The following PEMT variants were observed in gnomAD, a reference collection of about 807,000 sequenced individuals.
PEMT encodes the protein phospholipid methyltransferase.
PEMT carries 23 observed loss-of-function variants against 27.4 expected under a neutral mutation model. The observed-to-expected ratio is 0.84, with a 90% CI of 0.60 to 1.19. The LOEUF (loss-of-function observed/expected upper bound fraction) is 1.19. Ranked by LOEUF, PEMT falls within the 50% of genes most tolerant of loss-of-function variation. The pLI, the probability that PEMT is intolerant of heterozygous loss-of-function variation, is 0.00. For synonymous variants in PEMT, 137 were observed against 139.1 expected, an observed-to-expected ratio of 0.98 and a Z score of 0.11; for missense variants, 307 against 310.1, an observed-to-expected ratio of 0.99 and a Z score of 0.07.
At chr17:17,583,113 C>T (rs1002774382) in intron 1 of PEMT, among the ~76,000 whole-genome samples, 2 of 151,370 alleles carry the variant, frequency 1.3e-5, no homozygotes, top group East Asian at 3.9e-4. Flanking sequence ...CAGTGGCTCA[C>T]GCCTGTAATC....
chr17:17,574,286 C>A (rs1911424170), intron 2 of PEMT, among the ~76,000 whole-genome samples: 1 of 136,370 alleles, frequency 7.3e-6, no homozygotes, highest in Non-Finnish European at 1.6e-5. Flanking sequence ...AACACACAGA[C>A]ACATGCTGTC....
chr17:17,512,083 G>A lies in PEMT; in HGVS notation c.466+426C>T, dbSNP rs1008566251. 4.6e-5 allele frequency among the ~76,000 whole-genome samples: 7 copies of A among 152,124 alleles called. No individual in the cohort carries two copies. Among genetic ancestry groups the A allele is most frequent in the African/African-American group, 1.2e-4 (5 of 41,424 alleles). On this transcript the variant is annotated intron_variant, in intron 4 of 6. Coordinates refer to ENST00000255389, the MANE Select transcript of PEMT (RefSeq NM_148172.3). The surrounding 1 kb of genome is among the most constrained non-coding windows in gnomAD (Gnocchi z 6.3). Reference sequence around the variant, plus strand: ...CAATCCTGCCTGGCCTGAGAGCCACGCGTGCCGGGAGCTGCCAGAGAGGTG... The same window carrying A: ...CAATCCTGCCTGGCCTGAGAGCCACACGTGCCGGGAGCTGCCAGAGAGGTG...
At chr17:17,507,522 G>GAAGCC (rs1905972975) in intron 5 of PEMT, 3 of 355,748 alleles carry the variant, frequency 8.4e-6, no homozygotes, top group Non-Finnish European at 1.6e-5. Context: ...AAAGATCCAA[G>GAAGCC]CCCAGGCTCC....
chr17:17,548,437 C>G (rs1284332938), intron 2 of PEMT, among the ~76,000 whole-genome samples: 1 of 152,216 alleles, frequency 6.6e-6, no homozygotes, highest in East Asian at 1.9e-4. Flanking sequence ...CTAGGCTGCA[C>G]TGGAGATCAT....
chr17:17,591,282 A>T, intron 1 of PEMT: 1 of 535,266 alleles, frequency 1.9e-6, no homozygotes, highest in Non-Finnish European at 3.3e-6. Context: ...GCACACAATC[A>T]GACGAGCTCA....
rs1002520136 is a variant in PEMT, at chr17:17,525,235, A to G, written c.205-2840T>C. 2.6e-5 allele frequency among the ~76,000 whole-genome samples: 4 copies of G among 152,216 alleles called. No homozygotes were observed. The East Asian group carries it at 5.8e-4, about 22-fold the overall frequency. ...TGTCCCTTAGCCTCGGAAAGAGCTG[A>G]TGCTAAATGAGCTTTCAGAACAATC... On this transcript the variant is annotated intron_variant, in intron 2 of 6. Coordinates refer to ENST00000255389, the MANE Select transcript of PEMT (RefSeq NM_148172.3).
chr17:17,545,872 A>G (rs1909226833), intron 2 of PEMT, among the ~76,000 whole-genome samples: 1 of 152,142 alleles, frequency 6.6e-6, no homozygotes, highest in Non-Finnish European at 1.5e-5. Flanking sequence ...ACTTTTCTGT[A>G]TGCTTAAAAT....
chr17:17,560,750 C>T (rs1051422202), intron 2 of PEMT, among the ~76,000 whole-genome samples: 1 of 152,100 alleles, frequency 6.6e-6, no homozygotes, highest in African/African-American at 2.4e-5. Flanking sequence ...CCCTTCGCGT[C>T]CACACCAGCT....
chr17:17,586,248 G>GAA (rs1912268963), intron 1 of PEMT, among the ~76,000 whole-genome samples: 1 of 95,964 alleles, frequency 1.0e-5, no homozygotes, highest in African/African-American at 4.7e-5. Flanking sequence ...AAGAAAGAAA[G>GAA]AAAGAAAGAA....
rs1207756589 is a variant in PEMT, at chr17:17,591,566, A to C, written c.61T>G (p.Cys21Gly). 6.2e-7 allele frequency: 1 copy of C among 1,613,802 alleles called. No individual in the cohort carries two copies. Among genetic ancestry groups the C allele is most frequent in the African/African-American group, 1.3e-5 (1 of 75,046 alleles). The change falls in exon 1 of 7, where the codon TGC becomes GGC. Residue 21 changes from cysteine (C) to glycine (G), a missense_variant. Cys to Gly is a radical substitution (Grantham distance 159). Coordinates refer to ENST00000255389, the MANE Select transcript of PEMT (RefSeq NM_148172.3). The part of the protein sequence containing the change: ...VTNSSVAGPD[C>G]CGGLGNIDFR... ...TCAATATTGCCGAGGCCTCCGCAGC[A>C]GTCAGGCCCTGCCACCGAGCTGTTC...
chr17:17,581,327 A>C (rs1911965157), intron 1 of PEMT, among the ~76,000 whole-genome samples: 1 of 152,148 alleles, frequency 6.6e-6, no homozygotes, highest in Admixed American at 6.5e-5. Context: ...ATCTCTGGCC[A>C]TACTCTCAGC....
chr17:17,530,163 T>G (rs1907986087), intron 2 of PEMT, among the ~76,000 whole-genome samples: 1 of 152,162 alleles, frequency 6.6e-6, no homozygotes, highest in African/African-American at 2.4e-5. Flanking sequence ...CAAATGTCCT[T>G]TGTTGACTAT....
chr17:17,575,665 C>T (rs2142739800), intron 2 of PEMT, among the ~76,000 whole-genome samples: 1 of 152,328 alleles, frequency 6.6e-6, no homozygotes, highest in African/African-American at 2.4e-5. Flanking sequence ...GCCAAGGCTT[C>T]TCAGGAGAAA....
chr17:17,581,670 G>GT (rs1911984343), intron 1 of PEMT, among the ~76,000 whole-genome samples: 1 of 152,192 alleles, frequency 6.6e-6, no homozygotes, highest in African/African-American at 2.4e-5. Flanking sequence ...GGCTGAACTG[G>GT]TCAAAGCTGG....
intron 2 of PEMT, among the ~76,000 whole-genome samples, chr17:17,543,195 C>T (rs1909012329): frequency 6.6e-6 from 1 of 152,240 alleles, no homozygotes. Flanking sequence ...CTGAGGGCCT[C>T]GCATGTGCAT....
intron 3 of PEMT, among the ~76,000 whole-genome samples, chr17:17,515,643 G>T (rs942367232): frequency 8.5e-5 from 13 of 152,270 alleles, no homozygotes; most frequent in African/African-American, 2.9e-4. Context: ...GAATCTCATG[G>T]CCCGAATTAG....
chr17:17,556,306 T>C (rs7222358), intron 2 of PEMT, among the ~76,000 whole-genome samples: 19,615 of 152,018 alleles, frequency 0.13, 2,264 homozygotes, highest in African/African-American at 0.31. Flanking sequence ...CCCAGCAAAC[T>C]GGATGCTCAG....
rs111969829 is a variant in PEMT at position 17,563,785 on chromosome 17, G to A, written c.204+13135C>T. 1.3e-3 allele frequency among the ~76,000 whole-genome samples: 205 copies of A among 152,262 alleles called. 1 individual carries two copies. The highest frequency in any genetic ancestry group is 6.6e-3 in the South Asian group (32 of 4,824). ...AAAGACCAAACGCCTTTCTAAGAACGCACATGGCCAGGTCTGAGGCCACTA... is the reference window on the plus strand; with the variant it reads ...AAAGACCAAACGCCTTTCTAAGAACACACATGGCCAGGTCTGAGGCCACTA... On this transcript the variant is annotated intron_variant, in intron 2 of 6. Transcript: ENST00000255389.
chr17:17,571,544 G>A (rs1911193140), intron 2 of PEMT, among the ~76,000 whole-genome samples: 1 of 152,124 alleles, frequency 6.6e-6, no homozygotes, highest in Non-Finnish European at 1.5e-5. Context: ...AAGGGACGGA[G>A]TGGGTGCTGA....
Sources: allele counts gnomAD v4.1 joint callset (sites outside exome capture counted in the v4.1 genomes callset), GRCh38; gene constraint gnomAD v4.1.1; non-coding constraint Gnocchi (gnomAD v3.1); transcripts MANE v1.5; gene names NCBI Gene and HGNC (gene_info 2026-07-23, HGNC 2026-07-21).